The following ADGRB1 variants were observed in gnomAD, a reference collection of about 807,000 sequenced individuals.
ADGRB1 encodes the protein brain-specific angiogenesis inhibitor 1.
A neutral mutation model predicts 175.7 loss-of-function variants in ADGRB1; 36 were observed. The ratio of observed to expected loss-of-function variants is 0.20; its 90% CI spans 0.16 to 0.27. The LOEUF (loss-of-function observed/expected upper bound fraction) is 0.27. ADGRB1 is among the 10% of genes least tolerant of loss of function. ADGRB1 has a pLI of 1.00. For synonymous variants in ADGRB1, 1,054 were observed against 979.4 expected (o/e 1.08, Z -1.42); for missense variants, 1,731 against 2,255.3 (o/e 0.77, Z 4.71).
In ADGRB1 at chr8:142,510,930, AG is replaced by A; in HGVS notation, c.2676-1del. 2.2e-5 allele frequency: 7 copies of A among 318,632 alleles called. No individual in the cohort carries two copies. Among genetic ancestry groups the A allele is most frequent in the South Asian group, 7.0e-5 (2 of 28,500 alleles). 19.7% of individuals were successfully genotyped at this position (318,632 alleles called of 1,614,324 possible). A position where few individuals can be genotyped will look rare whatever the true frequency, so the allele number is the denominator to read the frequency against. On this transcript the variant is annotated splice_acceptor_variant, in intron 17 of 30. Coordinates refer to ENST00000517894, the MANE Select transcript of ADGRB1 (RefSeq NM_001702.3). LOFTEE classifies it high-confidence loss of function. The surrounding 1 kb of genome is among the most constrained non-coding windows in gnomAD (Gnocchi z 6.3). Reference sequence around the variant, plus strand: ...TCCCTCCCGTGTCCCGCCCGCCCCCAGACCCTCCTCCTCCGCCCCCCCGCAG... The same window carrying A: ...TCCCTCCCGTGTCCCGCCCGCCCCCAACCCTCCTCCTCCGCCCCCCCGCAG...
Position 142,541,927 on chromosome 8 carries a change from C to G in ADGRB1, c.3707-14C>G, listed in dbSNP as rs767440146. ...CCACACCTGTCCCCGCTGTCTCCCC[C>G]GCGGCCCCTGCAGTGCTGAACAAGG... is the stretch of plus-strand genomic sequence containing the variant. On this transcript the variant is annotated splice_polypyrimidine_tract_variant and intron_variant, in intron 27 of 30. Coordinates refer to ENST00000517894, the MANE Select transcript of ADGRB1 (RefSeq NM_001702.3). 1.4e-5 allele frequency: 21 copies of G among 1,533,268 alleles called. No individual in the cohort carries two copies. The Admixed American group carries it at 3.2e-4, about 23-fold the overall frequency. 95.0% of individuals were successfully genotyped at this position (1,533,268 alleles called of 1,614,324 possible).
chr8:142,514,384 G>A (rs1003046858), intron 18 of ADGRB1, among the ~76,000 whole-genome samples: 2 of 152,254 alleles, frequency 1.3e-5, no homozygotes, highest in East Asian at 1.9e-4. Flanking sequence ...CCGGCTCTGC[G>A]GCTGCAGCAG....
At position 142,481,691 on chromosome 8, in the gene ADGRB1, C is replaced by A; in HGVS notation, c.2110C>A (p.Pro704Thr). 6.3e-7 allele frequency: 1 copy of A among 1,587,452 alleles called. No homozygotes were observed. Among genetic ancestry groups the A allele is most frequent in the Non-Finnish European group, 8.6e-7 (1 of 1,163,572 alleles). Residue 704 changes from proline (P) to threonine (T), a missense_variant, in exon 11 of 31, where the codon CCC becomes ACC. Around this residue, in one of 8 missense-constraint regions of ADGRB1, gnomAD observed 388 missense variants for 630.9 expected, o/e 0.61. Transcript: ENST00000517894. The part of the protein sequence containing the change: ...TEIFRRAYYS[P>T]TPGDVQNFVQ... ...GATTTTCCGGAGAGCGTACTACAGC[C>A]CCACCCCTGGGGACGTACAGGTGGG... is the stretch of plus-strand genomic sequence containing the variant.
chr8:142,516,414 GC>G (rs1843437218), intron 18 of ADGRB1, among the ~76,000 whole-genome samples: 1 of 143,648 alleles, frequency 7.0e-6, no homozygotes, highest in South Asian at 2.2e-4. Flanking sequence ...GTGTGTGTGG[GC>G]CCCAGGTGTG....
chr8:142,503,059 G>A (rs1368718577), intron 17 of ADGRB1, among the ~76,000 whole-genome samples: 2 of 151,872 alleles, frequency 1.3e-5, no homozygotes, highest in Admixed American at 1.3e-4. Context: ...GATAGTGATT[G>A]GCCTCAGTGG....
chr8:142,527,576 G>A (rs545974106), intron 24 of ADGRB1, among the ~76,000 whole-genome samples: 6 of 152,186 alleles, frequency 3.9e-5, no homozygotes, highest in Middle Eastern at 3.4e-3. Context: ...GGTGGGAGTC[G>A]CGGTGCTTTG....
At chr8:142,508,078 C>A (rs1056130988) in intron 17 of ADGRB1, among the ~76,000 whole-genome samples, 4 of 152,090 alleles carry the variant, frequency 2.6e-5, no homozygotes, top group Admixed American at 2.0e-4. Context: ...CTGCATGCCC[C>A]CTCCCACCCG....
intron 25 of ADGRB1, among the ~76,000 whole-genome samples, chr8:142,534,310 G>A (rs1587434583): frequency 6.6e-6 from 1 of 152,226 alleles, no homozygotes; most frequent in Admixed American, 6.5e-5. Context: ...CTTAGGTGGC[G>A]ATTTCCATCC....
At chr8:142,544,194 C>G (rs545626787) in intron 30 of ADGRB1, 26 bp from the exon 31 acceptor site, 1 of 1,547,560 alleles carries the variant, frequency 6.5e-7, no homozygotes, top group Non-Finnish European at 8.7e-7. Flanking sequence ...GGCCCCACCC[C>G]TCCTGCACCA....
chr8:142,490,700 TCCCATGGTGA>T (rs1841940496), intron 16 of ADGRB1, 62 bp from the exon 17 acceptor site: 3 of 1,499,832 alleles, frequency 2.0e-6, no homozygotes, highest in Non-Finnish European at 2.7e-6. Context: ...TTTAGGTGGG[TCCCATGGTGA>T]CCCGAGGGTG....
chr8:142,534,389 CA>C (rs1844810326), intron 25 of ADGRB1, among the ~76,000 whole-genome samples: 1 of 152,204 alleles, frequency 6.6e-6, no homozygotes. Flanking sequence ...GCAGAGTGAA[CA>C]GAGGGGCTCT....
In ADGRB1 at chr8:142,468,523, C is replaced by T. The variant is rs144646684; in HGVS notation, c.784+3541C>T. ...TGTGCCCAGAAGGCCCTGATGCTTCCAGGACCACAGCAGCAAAAGTGATCT... is the reference window on the plus strand; with the variant it reads ...TGTGCCCAGAAGGCCCTGATGCTTCTAGGACCACAGCAGCAAAAGTGATCT... On this transcript the variant is annotated intron_variant, in intron 2 of 30. Coordinates refer to ENST00000517894, the MANE Select transcript of ADGRB1 (RefSeq NM_001702.3). Among the ~76,000 whole-genome samples, 46 of 152,330 alleles carry T rather than the reference C, an allele frequency of 3.0e-4. No homozygotes were observed. The East Asian group carries it at 6.4e-3, about 21-fold the overall frequency.
At chr8:142,469,636 T>TGTGTGTAC in intron 2 of ADGRB1, among the ~76,000 whole-genome samples, 1 of 127,388 alleles carries the variant, frequency 7.9e-6, no homozygotes, top group African/African-American at 3.1e-5. Flanking sequence ...CATGTGTGTA[T>TGTGTGTAC]GTGCACGTGC....
At chr8:142,512,969 G>C (rs528489493) in intron 18 of ADGRB1, among the ~76,000 whole-genome samples, 60 of 152,220 alleles carry the variant, frequency 3.9e-4, no homozygotes, top group Admixed American at 6.5e-4. Flanking sequence ...GGACAGCAGC[G>C]GGGGGCGGGG....
chr8:142,460,917 G>T (rs111233238), intron 1 of ADGRB1, among the ~76,000 whole-genome samples: 1 of 150,446 alleles, frequency 6.6e-6, no homozygotes, highest in Non-Finnish European at 1.5e-5. Flanking sequence ...TCTAAGGGGC[G>T]GTTCTGATAG....
In ADGRB1 at chr8:142,469,553, ATG is replaced by A. The variant is rs370605500; in HGVS notation, c.784+4578_784+4579del. Among the ~76,000 whole-genome samples, 1,300 of 135,508 alleles carry A rather than the reference ATG, an allele frequency of 9.6e-3. 8 individuals are homozygous for A. The highest frequency in any genetic ancestry group is 0.015 in the African/African-American group (540 of 35,476). The allele number at this position is 135,508 out of a possible 152,430, so 88.9% of individuals were successfully genotyped here. On this transcript the variant is annotated intron_variant, in intron 2 of 30. Coordinates refer to ENST00000517894, the MANE Select transcript of ADGRB1 (RefSeq NM_001702.3). ...TGTGAATGTGAGTGTATGCACGTGCATGTGTGTGAATGTGTGTGCATGTGTGC... is the reference window on the plus strand; with the variant it reads ...TGTGAATGTGAGTGTATGCACGTGCATGTGTGAATGTGTGTGCATGTGTGC...
chr8:142,454,602 C>T (rs1226893476), intron 1 of ADGRB1, among the ~76,000 whole-genome samples: 2 of 152,140 alleles, frequency 1.3e-5, no homozygotes, highest in Non-Finnish European at 2.9e-5. Flanking sequence ...CAGAGACTGG[C>T]AGTGGGACCC....
At chr8:142,517,420 C>G (rs138222981) in intron 18 of ADGRB1, among the ~76,000 whole-genome samples, 2 of 152,204 alleles carry the variant, frequency 1.3e-5, no homozygotes, top group Non-Finnish European at 2.9e-5. Context: ...CCCTCCAGTG[C>G]GCTGATCACC....
intron 2 of ADGRB1, among the ~76,000 whole-genome samples, chr8:142,469,802 T>TG (rs142251494): frequency 4.6e-5 from 7 of 151,382 alleles, no homozygotes; most frequent in Non-Finnish European, 8.8e-5. Flanking sequence ...TGCGTGTGCG[T>TG]GGGGGGGATG....
Sources: allele counts gnomAD v4.1 joint callset (sites outside exome capture counted in the v4.1 genomes callset), GRCh38; gene constraint gnomAD v4.1.1; regional missense constraint gnomAD v4.1.1; non-coding constraint Gnocchi (gnomAD v3.1); transcripts MANE v1.5; gene names NCBI Gene and HGNC (gene_info 2026-07-23, HGNC 2026-07-21).